The following CARHSP1 variants were observed in gnomAD, a reference collection of about 807,000 sequenced individuals.
CARHSP1 encodes calcium-regulated heat-stable protein 1.
A neutral mutation model predicts 12.5 loss-of-function variants in CARHSP1; 14 were observed. The ratio of observed to expected loss-of-function variants is 1.12; its 90% CI spans 0.74 to 1.75. The LOEUF (loss-of-function observed/expected upper bound fraction) is 1.75. CARHSP1 is among the 40% of genes most tolerant of loss of function. CARHSP1 has a pLI of 0.00. For missense variants in CARHSP1, 343 were observed against 201.6 expected, an observed-to-expected ratio of 1.70 and a Z score of -4.25; for synonymous variants, 161 against 82.0, an observed-to-expected ratio of 1.96 and a Z score of -5.20.
intron 1 of CARHSP1, chr16:8,866,319 G>A (rs368356662): frequency 3.7e-5 from 19 of 507,306 alleles, no homozygotes; most frequent in Non-Finnish European, 4.8e-5. Context: ...GCAGTAGCCG[G>A]GCTACACTGG....
chr16:8,864,916 G>GC (rs1200324028), intron 1 of CARHSP1, among the ~76,000 whole-genome samples: 2 of 152,132 alleles, frequency 1.3e-5, no homozygotes, highest in Non-Finnish European at 2.9e-5. Flanking sequence ...CAGCCTGCCC[G>GC]CATGTCTGGA....
chr16:8,861,652 A>T (rs1183643271), intron 1 of CARHSP1: 2 of 1,288,960 alleles, frequency 1.6e-6, no homozygotes, highest in South Asian at 1.2e-5. Flanking sequence ...CTTCTGGAGG[A>T]GGTGGCATCC....
chr16:8,858,673 C>G (rs1028231374), intron 2 of CARHSP1: 8 of 592,026 alleles, frequency 1.4e-5, no homozygotes, highest in Non-Finnish European at 2.3e-5. Flanking sequence ...TTGGATGACC[C>G]TGGCCAATTT....
rs567061154 is a variant in CARHSP1, at chr16:8,853,139, C to T, written c.*2025G>A. ...TGACATCCTGCGGTTCTAGAATACC[C>T]ATTGATTGAAAGAGCTGTGGCCAAA... is the stretch of plus-strand genomic sequence containing the variant. On this transcript the variant is annotated 3_prime_UTR_variant, in exon 4 of 4. Transcript: ENST00000311052. 1.7e-3 allele frequency: 260 copies of T among 152,086 alleles called. No individual in the cohort carries two copies. The highest frequency in any genetic ancestry group is 2.9e-3 in the Non-Finnish European group (199 of 68,010). The allele number at this position is 152,086 out of a possible 1,614,324, so 9.4% of individuals were successfully genotyped here. A position where few individuals can be genotyped will look rare whatever the true frequency, so the allele number is the denominator to read the frequency against.
intron 1 of CARHSP1, among the ~76,000 whole-genome samples, chr16:8,863,947 G>C (rs1049753018): frequency 6.6e-6 from 1 of 152,204 alleles, no homozygotes; most frequent in African/African-American, 2.4e-5. Context: ...TGGCCTTGGA[G>C]TGTCCCCAGC....
chr16:8,855,265 G>T lies in CARHSP1; in HGVS notation c.343C>A (p.Pro115Thr), dbSNP rs956894677. 6.2e-7 allele frequency: 1 copy of T among 1,613,116 alleles called. No homozygotes were observed. The highest frequency in any genetic ancestry group is 8.5e-7 in the Non-Finnish European group (1 of 1,179,428). The change falls in exon 4 of 4, where the codon CCA becomes ACA. Residue 115 changes from proline to threonine, a missense_variant. Physicochemically the swap from Pro to Thr is conservative, Grantham distance 38 (BLOSUM62 -1). Transcript: ENST00000311052. ...GCCTGCAGCTTCTCATTCTTGGGTGGGATGGAGCACATTTTATAGGTGACC... is the reference window on the plus strand; with the variant it reads ...GCCTGCAGCTTCTCATTCTTGGGTGTGATGGAGCACATTTTATAGGTGACC... ...DEVTYKMCSI[P>T]PKNEKLQAVE...
At chr16:8,857,765 T>TTTA (rs1555456039) in intron 3 of CARHSP1, 1 of 144,714 alleles carries the variant, frequency 6.9e-6, no homozygotes, top group Non-Finnish European at 1.5e-5. Context: ...CATTATTTTT[T>TTTA]TTTTTTTTTT....
Position 8,857,271 on chromosome 16 carries a change from T to G in CARHSP1, c.281+1079A>C, listed in dbSNP as rs937786493. The stretch of plus-strand genomic sequence containing the variant: ...TGATCTTGGGCAGATCTGTTTTTTT[T>G]TTTTTTTTTTTTTTTTTTTTTTTTT... On this transcript the variant is annotated intron_variant, in intron 3 of 3. Coordinates refer to ENST00000311052, the MANE Select transcript of CARHSP1 (RefSeq NM_014316.4). Among the ~76,000 whole-genome samples the G allele has an allele frequency of 7.1e-3, 185 of 26,154 alleles. 4 individuals carry two copies. The highest frequency in any genetic ancestry group is 0.012 in the Admixed American group (24 of 1,986). The allele number at this position is 26,154 out of a possible 152,430, so 17.2% of individuals were successfully genotyped here. A position where few individuals can be genotyped will look rare whatever the true frequency, so the allele number is the denominator to read the frequency against.
chr16:8,855,128 C>T lies in CARHSP1; in HGVS notation c.*36G>A. ...TGCTGCCTCCTCCCTGCAAAGTCTC[C>T]CACAAGCACAGGACAAGGGGTGCTT... is the stretch of plus-strand genomic sequence containing the variant. On this transcript the variant is annotated 3_prime_UTR_variant, in exon 4 of 4. Transcript: ENST00000311052. The T allele has an allele frequency of 1.4e-6, 2 of 1,479,224 alleles. No homozygotes were observed. Among genetic ancestry groups the T allele is most frequent in the Non-Finnish European group, 9.1e-7 (1 of 1,103,318 alleles). The allele number at this position is 1,479,224 out of a possible 1,614,324, so 91.6% of individuals were successfully genotyped here.
rs957981026 is a variant in CARHSP1 at position 8,854,130 on chromosome 16, A to G, written c.*1034T>C. The G allele has an allele frequency of 6.6e-6, 1 of 152,122 alleles. No homozygotes were observed. The highest frequency in any genetic ancestry group is 1.5e-5 in the Non-Finnish European group (1 of 68,016). 9.4% of individuals were successfully genotyped at this position (152,122 alleles called of 1,614,324 possible). A position where few individuals can be genotyped will look rare whatever the true frequency, so the allele number is the denominator to read the frequency against. On this transcript the variant is annotated 3_prime_UTR_variant, in exon 4 of 4. Coordinates refer to ENST00000311052, the MANE Select transcript of CARHSP1 (RefSeq NM_014316.4). The stretch of plus-strand genomic sequence containing the variant: ...AATGTCGGCAGCAAAGTGCAAACAG[A>G]GCCGGCTCTGGGTGAAAGCTTTAGT...
At chr16:8,864,169 G>T (rs770235586) in intron 1 of CARHSP1, among the ~76,000 whole-genome samples, 2 of 152,232 alleles carry the variant, frequency 1.3e-5, no homozygotes, top group Non-Finnish European at 2.9e-5. Context: ...ATGTGTATGT[G>T]TGTGCTGTGT....
At chr16:8,861,989 C>CTT (rs537614451) in intron 1 of CARHSP1, among the ~76,000 whole-genome samples, 3,469 of 79,468 alleles carry the variant, frequency 0.044, 309 homozygotes, top group Non-Finnish European at 0.073. Context: ...GCATAGCTGA[C>CTT]TTTTTTTTTT....
In CARHSP1 at chr16:8,855,115, C is replaced by T. The variant is rs771063818; in HGVS notation, c.*49G>A. 3.5e-6 allele frequency: 5 copies of T among 1,448,946 alleles called. No individual in the cohort carries two copies. The Admixed American group carries it at 1.1e-4, about 32-fold the overall frequency. 89.8% of individuals were successfully genotyped at this position (1,448,946 alleles called of 1,614,324 possible). ...CATCTCCAGTGTCTGCTGCCTCCTCCCTGCAAAGTCTCCCACAAGCACAGG... is the reference window on the plus strand; with the variant it reads ...CATCTCCAGTGTCTGCTGCCTCCTCTCTGCAAAGTCTCCCACAAGCACAGG... On this transcript the variant is annotated 3_prime_UTR_variant, in exon 4 of 4. Transcript: ENST00000311052.
At chr16:8,868,844 G>C (rs2061487695) in intron 1 of CARHSP1, 122 bp downstream of exon 1, 1 of 151,990 alleles carries the variant, frequency 6.6e-6, no homozygotes, top group Non-Finnish European at 1.5e-5. Flanking sequence ...CCTCTGCCGA[G>C]CTAGAAGACC....
At chr16:8,856,879 T>G (rs1238013431) in intron 3 of CARHSP1, among the ~76,000 whole-genome samples, 1 of 152,094 alleles carries the variant, frequency 6.6e-6, no homozygotes, top group Admixed American at 6.5e-5. Flanking sequence ...AGCCCAGCCC[T>G]AGGATGTGTG....
chr16:8,855,421 A>G lies in CARHSP1; in HGVS notation c.282-95T>C, dbSNP rs2061067648. ...ACCCTTCTGGTCACACAGCCACCAA[A>G]GCAGGCACCATCTGACCAACCACCG... is the stretch of plus-strand genomic sequence containing the variant. On this transcript the variant is annotated intron_variant, in intron 3 of 3. Coordinates refer to ENST00000311052, the MANE Select transcript of CARHSP1 (RefSeq NM_014316.4). The G allele has an allele frequency of 5.9e-6, 7 of 1,176,814 alleles. No homozygotes were observed. In the South Asian group the frequency reaches 6.4e-5, roughly 11 times the overall value. 72.9% of individuals were successfully genotyped at this position (1,176,814 alleles called of 1,614,324 possible).
At chr16:8,858,921 G>A (rs2061247047) in intron 2 of CARHSP1, 1 of 454,688 alleles carries the variant, frequency 2.2e-6, no homozygotes, top group Non-Finnish European at 3.9e-6. Flanking sequence ...TTAAAGCCCA[G>A]CGATTCTGAC....
Position 8,855,263 on chromosome 16 carries a change from T to G in CARHSP1, c.345A>C (p.Pro115=). 6.2e-7 allele frequency: 1 copy of G among 1,613,028 alleles called. No individual in the cohort carries two copies. The highest frequency in any genetic ancestry group is 8.5e-7 in the Non-Finnish European group (1 of 1,179,416). The part of the protein sequence containing the change: ...DEVTYKMCSI[P]PKNEKLQAVE... ...CGGCCTGCAGCTTCTCATTCTTGGG[T>G]GGGATGGAGCACATTTTATAGGTGA... Residue 115 remains proline, a synonymous_variant, in exon 4 of 4, where the codon CCA becomes CCC. Transcript: ENST00000311052.
chr16:8,858,819 G>GC (rs1448650622), intron 2 of CARHSP1: 7 of 408,626 alleles, frequency 1.7e-5, no homozygotes, highest in Admixed American at 1.6e-4. Context: ...CATCTGCCAG[G>GC]CATTATGTGG....
Sources: allele counts gnomAD v4.1 joint callset (sites outside exome capture counted in the v4.1 genomes callset), GRCh38; gene constraint gnomAD v4.1.1; transcripts MANE v1.5; gene names NCBI Gene and HGNC (gene_info 2026-07-23, HGNC 2026-07-21).